The following DACH2 variants were observed in gnomAD, a reference collection of about 807,000 sequenced individuals.
DACH2 encodes the protein dachshund family transcription factor 2.
A neutral mutation model predicts 35.8 loss-of-function variants in DACH2; 17 were observed. The observed-to-expected ratio is 0.48, with a 90% CI of 0.33 to 0.71. The LOEUF (loss-of-function observed/expected upper bound fraction) is 0.71. Among genes scored for constraint, DACH2 ranks in the 30% least tolerant of loss-of-function variants. The pLI is 0.02. For synonymous variants in DACH2, 195 were observed against 177.3 expected, an observed-to-expected ratio of 1.10 and a Z score of -0.79; for missense variants, 469 against 472.7, an observed-to-expected ratio of 0.99 and a Z score of 0.07.
chrX:86,698,521 GTTTTTTTTTTT>G (rs767152609), intron 5 of DACH2, among the ~76,000 whole-genome samples: 1 of 32,957 alleles, frequency 3.0e-5, no homozygotes, highest in Non-Finnish European at 4.7e-5. Context: ...TTAGTTTTGT[GTTTTTTTTTTT>G]TTTTTTTTTT....
intron 3 of DACH2, among the ~76,000 whole-genome samples, chrX:86,580,509 A>G (rs1382290776): frequency 6.3e-5 from 7 of 111,926 alleles, no homozygotes; most frequent in Non-Finnish European, 1.3e-4. Flanking sequence ...AACAGAGGAG[A>G]TGAAAGATGA....
chrX:86,241,420 A>T (rs2033163787), intron 1 of DACH2, among the ~76,000 whole-genome samples: 1 of 111,973 alleles, frequency 8.9e-6, no homozygotes, highest in Non-Finnish European at 1.9e-5. Context: ...AGAAATTTCT[A>T]AACAGCAGTG....
intron 4 of DACH2, among the ~76,000 whole-genome samples, chrX:86,658,247 G>A (rs2040565567): frequency 9.0e-6 from 1 of 111,581 alleles, no homozygotes; most frequent in African/African-American, 3.2e-5. Context: ...CTGGAAGGCT[G>A]TATTTAGTTG....
rs143831410 is a variant in DACH2 at position 86,149,562 on chromosome X, C to A, written c.488+454C>A. 5.9e-3 allele frequency among the ~76,000 whole-genome samples: 661 copies of A among 111,936 alleles called. 5 individuals carry two copies. The highest frequency in any genetic ancestry group is 0.02 in the African/African-American group (604 of 30,808). ...CCTAAGCTGGCAAGCCAGAACACAGCATTTGGGGCATGCAGGGGGTGGGAA... is the reference window on the plus strand; with the variant it reads ...CCTAAGCTGGCAAGCCAGAACACAGAATTTGGGGCATGCAGGGGGTGGGAA... On this transcript the variant is annotated intron_variant, in intron 1 of 11. Coordinates refer to ENST00000373125, the MANE Select transcript of DACH2 (RefSeq NM_053281.3).
chrX:86,284,135 G>A lies in DACH2; in HGVS notation c.489-92689G>A, dbSNP rs376257404. On this transcript the variant is annotated intron_variant, in intron 1 of 11. Transcript: ENST00000373125. ...CTCTAGCTAAAACGTCCAGTACTAC[G>A]TTAAATAACAGTGATGAAAGTGGGC... Among the ~76,000 whole-genome samples, 28 of 111,231 alleles carry A rather than the reference G, an allele frequency of 2.5e-4. No individual in the cohort carries two copies. The East Asian group carries it at 7.1e-3, about 28-fold the overall frequency.
chrX:86,708,869 A>T (rs187957403), intron 5 of DACH2, among the ~76,000 whole-genome samples: 1 of 111,680 alleles, frequency 9.0e-6, no homozygotes, highest in African/African-American at 3.2e-5. Flanking sequence ...AGATGATTAG[A>T]AGGACTACTG....
chrX:86,827,741 A>G, intron 11 of DACH2: 1 of 1,161,111 alleles, frequency 8.6e-7, no homozygotes, highest in Non-Finnish European at 1.2e-6. Context: ...AATTTTGACC[A>G]GGTCTTATTG....
At chrX:86,555,288 A>T (rs1602640596) in intron 3 of DACH2, among the ~76,000 whole-genome samples, 1 of 111,862 alleles carries the variant, frequency 8.9e-6, no homozygotes, top group African/African-American at 3.2e-5. Context: ...AAAAGTAATG[A>T]GTTTTGTAGA....
intron 1 of DACH2, among the ~76,000 whole-genome samples, chrX:86,289,945 G>C (rs1287631828): frequency 9.4e-6 from 1 of 106,285 alleles, no homozygotes; most frequent in Non-Finnish European, 1.9e-5. Context: ...CCAGTAATTG[G>C]ATGGCTGGGT....
intron 2 of DACH2, among the ~76,000 whole-genome samples, chrX:86,511,719 A>G (rs2038399582): frequency 9.0e-6 from 1 of 111,701 alleles, no homozygotes; most frequent in Non-Finnish European, 1.9e-5. Context: ...TGACTGAATA[A>G]GTGATATCGT....
intron 2 of DACH2, among the ~76,000 whole-genome samples, chrX:86,478,120 C>A (rs1267037778): frequency 1.8e-5 from 2 of 111,759 alleles, no homozygotes; most frequent in Non-Finnish European, 1.9e-5. Context: ...AGCCTTTCCA[C>A]TTAAGAGTAG....
chrX:86,375,832 C>T (rs1282011028), intron 1 of DACH2, among the ~76,000 whole-genome samples: 4 of 110,232 alleles, frequency 3.6e-5, no homozygotes, highest in South Asian at 3.8e-4. Flanking sequence ...ATGATATTTT[C>T]ATTTTTGTTC....
In DACH2 at chrX:86,533,691, A is replaced by G. The variant is rs1409578040; in HGVS notation, c.640+19300A>G. On this transcript the variant is annotated intron_variant, in intron 3 of 11. Coordinates refer to ENST00000373125, the MANE Select transcript of DACH2 (RefSeq NM_053281.3). ...TAAAAGTAAAATATTGAATAGTGAG[A>G]CCATTTTCCCCAATTTATTAGGAGT... 2.7e-5 allele frequency among the ~76,000 whole-genome samples: 3 copies of G among 112,244 alleles called. No homozygotes were observed. In the Admixed American group the frequency reaches 2.8e-4, roughly 11 times the overall value.
At chrX:86,617,918 A>T (rs1027573968) in intron 3 of DACH2, among the ~76,000 whole-genome samples, 7 of 112,317 alleles carry the variant, frequency 6.2e-5, no homozygotes, top group African/African-American at 2.3e-4. Flanking sequence ...TTACCTATAA[A>T]ATGAGATAGC....
intron 3 of DACH2, among the ~76,000 whole-genome samples, chrX:86,543,566 A>C (rs763512205): frequency 1.8e-5 from 2 of 110,781 alleles, no homozygotes; most frequent in African/African-American, 6.6e-5. Flanking sequence ...AACCCAATAC[A>C]AGGATTCTAA....
At chrX:86,317,876 C>T (rs373245134) in intron 1 of DACH2, among the ~76,000 whole-genome samples, 1 of 111,176 alleles carries the variant, frequency 9.0e-6, no homozygotes, top group Non-Finnish European at 1.9e-5. Context: ...AGGTTAGGAA[C>T]CCTGTCTACA....
At chrX:86,529,983 A>ACG (rs1569429774) in intron 3 of DACH2, among the ~76,000 whole-genome samples, 8 of 88,805 alleles carry the variant, frequency 9.0e-5, no homozygotes, top group South Asian at 5.1e-4. Flanking sequence ...ACACGCACAC[A>ACG]CACACACACA....
At chrX:86,436,368 A>G (rs929511427) in intron 2 of DACH2, among the ~76,000 whole-genome samples, 3 of 32,242 alleles carry the variant, frequency 9.3e-5, no homozygotes, top group Non-Finnish European at 1.4e-4. Flanking sequence ...TGATATATGT[A>G]TATATATATA....
rs139450186 is a variant in DACH2, at chrX:86,643,442, T to C, written c.641-7594T>C. The stretch of plus-strand genomic sequence containing the variant: ...GAAATTGATTCCCAGAACAGACCAA[T>C]AACGAGCTCTGAAATTGAATCAGTA... On this transcript the variant is annotated intron_variant, in intron 3 of 11. Transcript: ENST00000373125. Among the ~76,000 whole-genome samples, 3 of 109,762 alleles carry C rather than the reference T, an allele frequency of 2.7e-5. No homozygotes were observed. The East Asian group carries it at 8.7e-4, about 32-fold the overall frequency.
Sources: allele counts gnomAD v4.1 joint callset (sites outside exome capture counted in the v4.1 genomes callset), GRCh38; gene constraint gnomAD v4.1.1; transcripts MANE v1.5; gene names NCBI Gene and HGNC (gene_info 2026-07-23, HGNC 2026-07-21).